Variants in TRPC7 observed in about 807,000 individuals in gnomAD.
The protein encoded by TRPC7 is transient receptor potential cation channel subfamily C member 7.
In TRPC7, 42 loss-of-function variants were observed where a neutral mutation model predicts 90.1. The ratio of observed to expected loss-of-function variants is 0.47; its 90% CI spans 0.36 to 0.60. The LOEUF (loss-of-function observed/expected upper bound fraction) is 0.60. Among genes scored for constraint, TRPC7 ranks in the 20% least tolerant of loss-of-function variants. The probability of loss-of-function intolerance (pLI) is 0.00; values close to 1 mark genes in which losing one functional copy is unlikely to be tolerated. For missense variants in TRPC7, 955 were observed against 1,112.3 expected (o/e 0.86, Z 2.01); for synonymous variants, 451 against 436.3 (o/e 1.03, Z -0.42).
chr5:136,219,611 C>T (rs964489706), intron 10 of TRPC7, among the ~76,000 whole-genome samples: 1 of 152,142 alleles, frequency 6.6e-6, no homozygotes, highest in Non-Finnish European at 1.5e-5. Context: ...ACTAAAAATA[C>T]AAAATTTAGC....
intron 2 of TRPC7, among the ~76,000 whole-genome samples, chr5:136,352,468 A>T (rs1486767890): frequency 1.3e-5 from 2 of 152,174 alleles, no homozygotes; most frequent in Non-Finnish European, 1.5e-5. Context: ...CAATTTTATC[A>T]TAAAGATGAT....
chr5:136,266,022 T>C (rs1426466595), intron 5 of TRPC7, among the ~76,000 whole-genome samples, 198 bp downstream of exon 5: 1 of 152,202 alleles, frequency 6.6e-6, no homozygotes, highest in Non-Finnish European at 1.5e-5. Flanking sequence ...AAACATTTCC[T>C]TTCAAAATTG....
At chr5:136,252,801 A>G (rs989306370) in intron 5 of TRPC7, among the ~76,000 whole-genome samples, 1 of 152,164 alleles carries the variant, frequency 6.6e-6, no homozygotes, top group Admixed American at 6.5e-5. Flanking sequence ...GAGCTCAGGA[A>G]GTAATGCTGG....
At chr5:136,334,340 T>C (rs1759585849) in intron 2 of TRPC7, among the ~76,000 whole-genome samples, 1 of 152,218 alleles carries the variant, frequency 6.6e-6, no homozygotes, top group East Asian at 1.9e-4. Flanking sequence ...TTGATTAAGA[T>C]GGGCTAACAG....
chr5:136,336,976 G>A (rs1274934435), intron 2 of TRPC7, among the ~76,000 whole-genome samples: 1 of 152,188 alleles, frequency 6.6e-6, no homozygotes, highest in East Asian at 1.9e-4. Flanking sequence ...TATAGCCTGG[G>A]TCTGCTGACT....
At chr5:136,223,295 T>C (rs1755518478) in intron 10 of TRPC7, among the ~76,000 whole-genome samples, 1 of 152,114 alleles carries the variant, frequency 6.6e-6, no homozygotes, top group Non-Finnish European at 1.5e-5. Context: ...AAGACAGAGA[T>C]GGGACTGCTT....
chr5:136,255,469 T>C (rs896952780), intron 5 of TRPC7, among the ~76,000 whole-genome samples: 14 of 152,324 alleles, frequency 9.2e-5, no homozygotes, highest in Middle Eastern at 3.4e-3. Flanking sequence ...AGCAATAGAG[T>C]AATTTTAAAA....
chr5:136,215,469 A>G (rs918344194), intron 11 of TRPC7, among the ~76,000 whole-genome samples: 1 of 152,104 alleles, frequency 6.6e-6, no homozygotes, highest in Non-Finnish European at 1.5e-5. Context: ...GCTGCCCTTA[A>G]CAGAAGGAGA....
intron 3 of TRPC7, among the ~76,000 whole-genome samples, chr5:136,282,495 T>A: frequency 6.6e-6 from 1 of 152,370 alleles, no homozygotes; most frequent in East Asian, 1.9e-4. Context: ...TGTAAATTTA[T>A]ATGATAATGC....
intron 8 of TRPC7, among the ~76,000 whole-genome samples, chr5:136,229,165 T>C (rs923573489): frequency 6.6e-6 from 1 of 152,240 alleles, no homozygotes; most frequent in African/African-American, 2.4e-5. Flanking sequence ...CACTGGTGAT[T>C]AAGTATGTAA....
chr5:136,232,133 G>A (rs1043756811), intron 7 of TRPC7, among the ~76,000 whole-genome samples: 1 of 152,162 alleles, frequency 6.6e-6, no homozygotes, highest in African/African-American at 2.4e-5. Flanking sequence ...TTCTCTTACT[G>A]TAATTAACTT....
chr5:136,259,697 A>G (rs1281914662), intron 5 of TRPC7, among the ~76,000 whole-genome samples: 1 of 152,216 alleles, frequency 6.6e-6, no homozygotes, highest in Non-Finnish European at 1.5e-5. Context: ...GCAAGCAACA[A>G]AGACAGATTC....
At position 136,212,852 on chromosome 5, in the gene TRPC7, A is replaced by G. The variant is rs1362039328; in HGVS notation, c.*583T>C. Among the ~76,000 whole-genome samples the G allele has an allele frequency of 1.3e-5, 2 of 152,256 alleles. No homozygotes were observed. The highest frequency in any genetic ancestry group is 2.9e-5 in the Non-Finnish European group (2 of 68,042). On this transcript the variant is annotated 3_prime_UTR_variant, in exon 12 of 12. Transcript: ENST00000513104. ...CATTTGGATTTTGTTGTTGTTTTCTAAACAGTGCTACCTACAGTACAGTTT... is the reference window on the plus strand; with the variant it reads ...CATTTGGATTTTGTTGTTGTTTTCTGAACAGTGCTACCTACAGTACAGTTT...
intron 2 of TRPC7, among the ~76,000 whole-genome samples, chr5:136,338,661 T>C (rs1759744997): frequency 6.6e-6 from 1 of 152,252 alleles, no homozygotes; most frequent in Non-Finnish European, 1.5e-5. Context: ...GCACACTTAG[T>C]TCATCAATGC....
intron 5 of TRPC7, among the ~76,000 whole-genome samples, chr5:136,257,075 T>C (rs539909937): frequency 1.3e-3 from 191 of 152,354 alleles, no homozygotes; most frequent in African/African-American, 4.4e-3. Flanking sequence ...AGTGATGAGC[T>C]GATCAGTTTT....
At chr5:136,264,038 C>A (rs1438150484) in intron 5 of TRPC7, among the ~76,000 whole-genome samples, 2 of 152,154 alleles carry the variant, frequency 1.3e-5, no homozygotes, top group African/African-American at 4.8e-5. Context: ...TAGAATTTTC[C>A]TTCTGGAAAG....
intron 7 of TRPC7, among the ~76,000 whole-genome samples, chr5:136,237,175 G>A (rs548567966): frequency 6.6e-6 from 1 of 152,248 alleles, no homozygotes; most frequent in South Asian, 2.1e-4. Context: ...CCTTGGCCCT[G>A]CAAAGTTCTG....
chr5:136,327,728 C>T (rs777269321), intron 2 of TRPC7, among the ~76,000 whole-genome samples: 59 of 152,210 alleles, frequency 3.9e-4, no homozygotes, highest in Admixed American at 3.2e-3. Context: ...GGATTCAACG[C>T]GGTAAAGTGG....
chr5:136,283,219 T>C (rs1320743040), intron 3 of TRPC7, among the ~76,000 whole-genome samples: 1 of 152,242 alleles, frequency 6.6e-6, no homozygotes, highest in African/African-American at 2.4e-5. Flanking sequence ...GGGTGCTGGG[T>C]TCCTTTGGAC....
Sources: allele counts gnomAD v4.1 joint callset (sites outside exome capture counted in the v4.1 genomes callset), GRCh38; gene constraint gnomAD v4.1.1; transcripts MANE v1.5; gene names NCBI Gene and HGNC (gene_info 2026-07-23, HGNC 2026-07-21).